ITGA2B: variants seen among roughly 807,000 people sequenced by gnomAD.
The protein encoded by ITGA2B is integrin subunit alpha 2b.
A neutral mutation model predicts 142.0 loss-of-function variants in ITGA2B; 91 were observed. The observed-to-expected ratio is 0.64, with a 90% CI of 0.54 to 0.76. The LOEUF (loss-of-function observed/expected upper bound fraction) is 0.76. ITGA2B is among the 30% of genes least tolerant of loss of function. The pLI is 0.00. For synonymous variants in ITGA2B, 536 were observed against 567.2 expected, an observed-to-expected ratio of 0.94 and a Z score of 0.78; for missense variants, 1,231 against 1,350.8, an observed-to-expected ratio of 0.91 and a Z score of 1.39.
intron 12 of ITGA2B, among the ~76,000 whole-genome samples, chr17:44,383,171 A>G (rs1356543113): frequency 6.6e-6 from 1 of 151,234 alleles, no homozygotes; most frequent in Non-Finnish European, 1.5e-5. Flanking sequence ...CCCAACTCCA[A>G]CCTCTCCCCT....
chr17:44,375,164 T>C, intron 26 of ITGA2B, 53 bp from the exon 27 acceptor site: 2 of 1,448,960 alleles, frequency 1.4e-6, no homozygotes, highest in Non-Finnish European at 9.4e-7. Flanking sequence ...CACCCCATCA[T>C]CCCCCACCCC....
At chr17:44,389,111 T>G (rs927303260) in intron 1 of ITGA2B, among the ~76,000 whole-genome samples, 175 bp downstream of exon 1, 1 of 152,054 alleles carries the variant, frequency 6.6e-6, no homozygotes, top group Non-Finnish European at 1.5e-5. Context: ...CCCTTATACC[T>G]TCACCTGAGC....
intron 12 of ITGA2B, among the ~76,000 whole-genome samples, chr17:44,382,196 A>G (rs2048603191): frequency 6.7e-6 from 1 of 150,188 alleles, no homozygotes; most frequent in African/African-American, 2.5e-5. Context: ...CCACAACATC[A>G]TTTTCAACCT....
intron 11 of ITGA2B, 35 bp downstream of exon 11, chr17:44,383,859 C>T: frequency 6.2e-7 from 1 of 1,610,934 alleles, no homozygotes; most frequent in Non-Finnish European, 8.5e-7. Flanking sequence ...AATTTGGGAC[C>T]CAACTGGGTA....
intron 18 of ITGA2B, 127 bp downstream of exon 18, chr17:44,379,561 GA>G (rs1268786469): frequency 6.9e-7 from 1 of 1,452,388 alleles, no homozygotes; most frequent in Non-Finnish European, 9.6e-7. Flanking sequence ...GCTGGATTTT[GA>G]GGTTTTCATT....
rs559891307 is a variant in ITGA2B, at chr17:44,385,704, A to C, written c.421T>G (p.Trp141Gly). 2 of 1,613,594 alleles carry C rather than the reference A, an allele frequency of 1.2e-6. No individual in the cohort carries two copies. Among genetic ancestry groups the C allele is most frequent in the South Asian group, 2.2e-5 (2 of 91,078 alleles). The change falls in exon 4 of 30, where the codon TGG becomes GGG. Residue 141 changes from tryptophan (W) to glycine (G), a missense_variant. Trp to Gly is a radical substitution (Grantham distance 184). Around this residue, in one of 3 missense-constraint regions of ITGA2B, gnomAD observed 318 missense variants for 312.2 expected, o/e 1.02. Coordinates refer to ENST00000262407, the MANE Select transcript of ITGA2B (RefSeq NM_000419.5). ...WSDVIVACAP[W>G]QHWNVLEKTE... is the part of the protein sequence containing the mutation. ...TTTTCTAGGACGTTCCAGTGCTGCC[A>C]GGGGGCGCAGGCCTGGAGAAAGGCC...
intron 22 of ITGA2B, 57 bp from the exon 23 acceptor site, chr17:44,376,445 T>C: frequency 6.4e-7 from 1 of 1,556,000 alleles, no homozygotes; most frequent in East Asian, 2.2e-5. Context: ...AGTGACTTTC[T>C]GGGGGTGAGG....
In ITGA2B at chr17:44,383,966, A is replaced by G. The variant is rs2048620250; in HGVS notation, c.946-20T>C. On this transcript the variant is annotated intron_variant, in intron 10 of 29. Transcript: ENST00000262407. ...CGCCATCTGCAAGATGAGGAGCACC[A>G]TCATTCACGCCGCTGGACAAGCATC... 2.5e-6 allele frequency: 4 copies of G among 1,614,032 alleles called. No homozygotes were observed. Among genetic ancestry groups the G allele is most frequent in the Non-Finnish European group, 3.4e-6 (4 of 1,180,016 alleles).
chr17:44,375,052 C>T lies in ITGA2B; in HGVS notation c.2787G>A (p.Gly929=), dbSNP rs1276137817. Reference sequence around the variant, plus strand: ...CCAGCACCGTGACCATGGCCCGCTGCCCGCGCGCCATCTCCTGCAGGTCAC... The same window carrying T: ...CCAGCACCGTGACCATGGCCCGCTGTCCGCGCGCCATCTCCTGCAGGTCAC... The part of the protein sequence containing the change: ...VQCDLQEMAR[G]QRAMVTVLAF... The change falls in exon 27 of 30, where the codon GGG becomes GGA. Residue 929 remains glycine, a synonymous_variant. Transcript: ENST00000262407. 14 of 1,547,290 alleles carry T rather than the reference C, an allele frequency of 9.0e-6. No homozygotes were observed. Among genetic ancestry groups the T allele is most frequent in the East Asian group, 2.4e-5 (1 of 40,886 alleles).
intron 28 of ITGA2B, 58 bp from the exon 29 acceptor site, chr17:44,374,528 T>C: frequency 6.4e-7 from 1 of 1,569,038 alleles, no homozygotes; most frequent in Non-Finnish European, 8.8e-7. Flanking sequence ...TCACAAAGAC[T>C]CAAACCTCAG....
Position 44,383,561 on chromosome 17 carries a change from G to C in ITGA2B, c.1142C>G (p.Thr381Arg), listed in dbSNP as rs2048614738. 1 of 1,612,030 alleles carries C rather than the reference G, an allele frequency of 6.2e-7. No homozygotes were observed. Among genetic ancestry groups the C allele is most frequent in the Admixed American group, 1.7e-5 (1 of 59,950 alleles). Residue 381 changes from threonine to arginine, a missense_variant, in exon 12 of 30, where the codon ACA (threonine) becomes AGA (arginine). Physicochemically the swap from Thr to Arg is moderately conservative, Grantham distance 71. This residue lies in a region of ITGA2B where 908 missense variants were observed against 1,021.1 expected (regional missense o/e 0.89). Transcript: ENST00000262407. ...LGAPSLLLTG[T>R]QLYGRFGSAI... ...AGAGCCGAATCGCCCATAGAGCTGT[G>C]TGCCAGTCAGCAGGAGGCTGGGGGC...
At chr17:44,386,630 A>G (rs2048651860) in intron 1 of ITGA2B, among the ~76,000 whole-genome samples, 2 of 152,148 alleles carry the variant, frequency 1.3e-5, no homozygotes, top group South Asian at 4.1e-4. Flanking sequence ...TTAAATCACA[A>G]TTCTGCCATA....
Position 44,380,391 on chromosome 17 carries a change from C to T in ITGA2B, c.1539G>A (p.Val513=), listed in dbSNP as rs1234657013. Residue 513 remains valine (V), a synonymous_variant, in exon 15 of 30, where the codon GTG becomes GTA. Coordinates refer to ENST00000262407, the MANE Select transcript of ITGA2B (RefSeq NM_000419.5). ...SCVLPQTKTP[V]SCFNIQMCVG... ...CATGCCCTCTGCCTCCTCACCAGCTCACGGGTGTCTTGGTCTGAGGTAGGA... is the reference window on the plus strand; with the variant it reads ...CATGCCCTCTGCCTCCTCACCAGCTTACGGGTGTCTTGGTCTGAGGTAGGA... The T allele has an allele frequency of 1.9e-6, 3 of 1,614,178 alleles. No individual in the cohort carries two copies. The highest frequency in any genetic ancestry group is 1.7e-6 in the Non-Finnish European group (2 of 1,180,036).
chr17:44,384,918 G>T (rs767656787), intron 7 of ITGA2B, 30 bp downstream of exon 7: 1 of 1,613,688 alleles, frequency 6.2e-7, no homozygotes, highest in Non-Finnish European at 8.5e-7. Flanking sequence ...TGACCCTCGG[G>T]GTGCTGGAAG....
chr17:44,385,469 C>T lies in ITGA2B; in HGVS notation c.574+82G>A, dbSNP rs534291025. The T allele has an allele frequency of 2.8e-3, 4,222 of 1,516,574 alleles. 94 individuals carry two copies. In the African/African-American group the frequency reaches 0.05, roughly 18 times the overall value. The allele number at this position is 1,516,574 out of a possible 1,614,324, so 93.9% of individuals were successfully genotyped here. On this transcript the variant is annotated intron_variant, in intron 4 of 29. Coordinates refer to ENST00000262407, the MANE Select transcript of ITGA2B (RefSeq NM_000419.5). ...GGCGAGGCCAGATCCAAAGCAAGGGCTGCGGCGCTGGGGGCGGGATCCGAT... is the reference window on the plus strand; with the variant it reads ...GGCGAGGCCAGATCCAAAGCAAGGGTTGCGGCGCTGGGGGCGGGATCCGAT...
intron 19 of ITGA2B, 24 bp from the exon 20 acceptor site, chr17:44,378,533 C>G: frequency 6.2e-7 from 1 of 1,612,902 alleles, no homozygotes. Context: ...GGAGTGAAGC[C>G]AGGGAGCCTG....
chr17:44,378,872 T>G (rs1433822645), intron 18 of ITGA2B, among the ~76,000 whole-genome samples, 162 bp from the exon 19 acceptor site: 3 of 151,830 alleles, frequency 2.0e-5, no homozygotes, highest in African/African-American at 7.3e-5. Context: ...GGGGCTCGGG[T>G]TTATTTGGAG....
At chr17:44,378,113 CA>C (rs1438811961) in intron 20 of ITGA2B, among the ~76,000 whole-genome samples, 1 of 152,054 alleles carries the variant, frequency 6.6e-6, no homozygotes, top group Non-Finnish European at 1.5e-5. Flanking sequence ...GGAAATCCAC[CA>C]AATGTTAACA....
Position 44,380,069 on chromosome 17 carries a change from G to T in ITGA2B, c.1685C>A (p.Thr562Asn). 6.2e-7 allele frequency: 1 copy of T among 1,614,046 alleles called. No individual in the cohort carries two copies. The highest frequency in any genetic ancestry group is 8.5e-7 in the Non-Finnish European group (1 of 1,180,026). ...TCCGCCCAGATCCAGGTTCAGGGTGGTGCCTGCCTGTTGAGAGCCCAGCAG... is the reference window on the plus strand; with the variant it reads ...TCCGCCCAGATCCAGGTTCAGGGTGTTGCCTGCCTGTTGAGAGCCCAGCAG... ...VLLLGSQQAG[T>N]TLNLDLGGKH... The change falls in exon 17 of 30, where the codon ACC becomes AAC. Residue 562 changes from threonine (T) to asparagine (N), a missense_variant. Around this residue, in one of 3 missense-constraint regions of ITGA2B, gnomAD observed 908 missense variants for 1,021.1 expected, o/e 0.89. Transcript: ENST00000262407.
Sources: gnomAD v4.1 joint callset for allele counts (sites outside exome capture counted in the v4.1 genomes callset) on GRCh38, gnomAD v4.1.1 for gene constraint, gnomAD v4.1.1 regional missense constraint, MANE v1.5 for transcripts, NCBI Gene and HGNC (gene_info 2026-07-23, HGNC 2026-07-21) for gene names.